The following FSTL4 variants were observed in gnomAD, a reference collection of about 807,000 sequenced individuals.
FSTL4 encodes follistatin-related protein 4.
In FSTL4, 28 loss-of-function variants were observed where a neutral mutation model predicts 78.2. The ratio of observed to expected loss-of-function variants is 0.36; its 90% CI spans 0.27 to 0.49. The LOEUF (loss-of-function observed/expected upper bound fraction) is 0.49. Ranked by LOEUF, FSTL4 falls within the 20% of genes least tolerant of loss-of-function variation. The pLI is 0.98. For missense variants in FSTL4, 922 were observed against 1,084.9 expected (o/e 0.85, Z 2.11); for synonymous variants, 422 against 440.5 (o/e 0.96, Z 0.53).
chr5:133,665,845 C>T, the FSTL4 span, among the ~76,000 whole-genome samples: 2 of 152,312 alleles, frequency 1.3e-5, no homozygotes, highest in South Asian at 4.1e-4. Context: ...AGCAAGAGAG[C>T]CCAGGCCTGT....
chr5:133,656,859 G>A, the FSTL4 span, among the ~76,000 whole-genome samples: 2 of 152,202 alleles, frequency 1.3e-5, no homozygotes, highest in South Asian at 4.2e-4. Context: ...CCAGGAAGGA[G>A]ACTGACAATA....
At chr5:133,371,790 A>G (rs572430923) in intron 4 of FSTL4, among the ~76,000 whole-genome samples, 4 of 152,358 alleles carry the variant, frequency 2.6e-5, no homozygotes, top group African/African-American at 9.6e-5. Flanking sequence ...ACACTGAGGT[A>G]TGAACACTGT....
chr5:133,443,571 C>T (rs1757203788), intron 3 of FSTL4, among the ~76,000 whole-genome samples: 1 of 152,246 alleles, frequency 6.6e-6, no homozygotes, highest in South Asian at 2.1e-4. Context: ...GTTCTCCAAT[C>T]TGAGCCTGGG....
chr5:133,631,892 A>G, the FSTL4 span, among the ~76,000 whole-genome samples: 2 of 152,182 alleles, frequency 1.3e-5, no homozygotes, highest in Non-Finnish European at 2.9e-5. Context: ...GCAAAGTAAC[A>G]GAGGAACAGA....
At chr5:133,706,073 A>C in the FSTL4 span, among the ~76,000 whole-genome samples, 1 of 152,200 alleles carries the variant, frequency 6.6e-6, no homozygotes, top group South Asian at 2.1e-4. Flanking sequence ...GGTGTCCAAT[A>C]GCACCGTAAT....
At chr5:133,652,540 C>A in the FSTL4 span, among the ~76,000 whole-genome samples, 99 of 151,980 alleles carry the variant, frequency 6.5e-4, no homozygotes, top group Non-Finnish European at 1.1e-3. Flanking sequence ...TGCTTAATTT[C>A]ACAGTATTTG....
chr5:133,806,251 A>G, the FSTL4 span, among the ~76,000 whole-genome samples: 3 of 152,084 alleles, frequency 2.0e-5, no homozygotes, highest in East Asian at 1.9e-4. Flanking sequence ...AATTTGGTGG[A>G]GTAGACAACG....
At chr5:133,309,956 G>A (rs1753741378) in intron 6 of FSTL4, among the ~76,000 whole-genome samples, 1 of 152,166 alleles carries the variant, frequency 6.6e-6, no homozygotes, top group Non-Finnish European at 1.5e-5. Flanking sequence ...TTACTTTCTG[G>A]GTTTTAGTGA....
chr5:133,385,943 T>A (rs946011646), intron 4 of FSTL4, among the ~76,000 whole-genome samples: 30 of 152,108 alleles, frequency 2.0e-4, no homozygotes, highest in African/African-American at 5.3e-4. Context: ...GTTTTTTTTT[T>A]AAATTATACA....
intron 3 of FSTL4, among the ~76,000 whole-genome samples, chr5:133,474,962 C>T (rs1757899701): frequency 1.3e-5 from 2 of 152,152 alleles, no homozygotes; most frequent in South Asian, 2.1e-4. Context: ...TCCGTGGCCC[C>T]GAAGTCATCC....
chr5:133,278,475 G>C (rs142809229), intron 6 of FSTL4, among the ~76,000 whole-genome samples: 31 of 152,304 alleles, frequency 2.0e-4, no homozygotes, highest in Admixed American at 1.6e-3. Context: ...TCTTTCCCAC[G>C]TTCTGTCAGG....
At chr5:133,267,776 G>C (rs969615840) in intron 6 of FSTL4, among the ~76,000 whole-genome samples, 10 of 152,144 alleles carry the variant, frequency 6.6e-5, no homozygotes, top group Non-Finnish European at 1.5e-4. Context: ...GGTGTGATTT[G>C]CTTGGGGCAG....
chr5:133,220,780 G>T lies in FSTL4; in HGVS notation c.1426C>A (p.Leu476Ile). 2 of 1,606,952 alleles carry T rather than the reference G, an allele frequency of 1.2e-6. No individual in the cohort carries two copies. The highest frequency in any genetic ancestry group is 2.2e-5 in the South Asian group (2 of 90,896). The change falls in exon 12 of 16, where the codon CTC becomes ATC. Residue 476 changes from leucine to isoleucine, a missense_variant. By Grantham distance (5) the Leu-to-Ile change is conservative. Coordinates refer to ENST00000265342, the MANE Select transcript of FSTL4 (RefSeq NM_015082.2). ...HPVDCEIQRH[L>I]KPTEKIFMSY... Reference sequence around the variant, plus strand: ...ATGAAAATCTTTTCCGTGGGTTTGAGGTGCCTCTGGATCTCACAGTCCACA... The same window carrying T: ...ATGAAAATCTTTTCCGTGGGTTTGATGTGCCTCTGGATCTCACAGTCCACA...
chr5:133,783,813 C>T, the FSTL4 span, among the ~76,000 whole-genome samples: 2 of 152,178 alleles, frequency 1.3e-5, no homozygotes, highest in African/African-American at 4.8e-5. Flanking sequence ...AATGAATCAC[C>T]TTTGTGAGGC....
chr5:133,529,317 C>T (rs1167910110), intron 3 of FSTL4, among the ~76,000 whole-genome samples: 1 of 152,150 alleles, frequency 6.6e-6, no homozygotes, highest in Non-Finnish European at 1.5e-5. Flanking sequence ...AATTAAGAAT[C>T]CTCACATGAC....
chr5:133,536,988 G>A (rs2642707), intron 3 of FSTL4, among the ~76,000 whole-genome samples: 63,457 of 151,952 alleles, frequency 0.42, 13,701 homozygotes, highest in African/African-American at 0.52. Context: ...TTGCTCCTGG[G>A]AGTGGGGTGT....
chr5:133,769,950 G>C, the FSTL4 span, among the ~76,000 whole-genome samples: 1 of 152,092 alleles, frequency 6.6e-6, no homozygotes, highest in African/African-American at 2.4e-5. Context: ...GTGAGAACAT[G>C]TGGCATTTGA....
At chr5:133,257,676 T>C (rs148607451) in intron 6 of FSTL4, among the ~76,000 whole-genome samples, 4 of 152,070 alleles carry the variant, frequency 2.6e-5, no homozygotes, top group Non-Finnish European at 5.9e-5. Context: ...GAGCAAAGGG[T>C]CCTTGCTGAG....
At chr5:133,630,808 A>T in the FSTL4 span, among the ~76,000 whole-genome samples, 1 of 152,240 alleles carries the variant, frequency 6.6e-6, no homozygotes, top group Non-Finnish European at 1.5e-5. Flanking sequence ...CCAATGTAAC[A>T]GAACAGAGAC....
Sources: allele counts gnomAD v4.1 joint callset (sites outside exome capture counted in the v4.1 genomes callset), GRCh38; gene constraint gnomAD v4.1.1; transcripts MANE v1.5; gene names NCBI Gene and HGNC (gene_info 2026-07-23, HGNC 2026-07-21).